Variants in FBXW7 observed in about 807,000 individuals in gnomAD.
FBXW7 encodes the protein F-box and WD repeat domain containing 7.
A neutral mutation model predicts 86.3 loss-of-function variants in FBXW7; 11 were observed. The ratio of observed to expected loss-of-function variants is 0.13; its 90% CI spans 0.08 to 0.21. The LOEUF (loss-of-function observed/expected upper bound fraction) is 0.21. FBXW7 is among the 10% of genes least tolerant of loss of function. FBXW7 has a pLI of 1.00. For missense variants in FBXW7, 488 were observed against 847.4 expected (o/e 0.58, Z 5.27); for synonymous variants, 313 against 297.9 (o/e 1.05, Z -0.52).
intron 6 of FBXW7, among the ~76,000 whole-genome samples, chr4:152,339,011 T>A (rs1346179018): frequency 2.6e-5 from 4 of 152,182 alleles, no homozygotes; most frequent in Non-Finnish European, 4.4e-5. Context: ...ATATTAAGGA[T>A]ATGAGGAGCT....
intron 2 of FBXW7, among the ~76,000 whole-genome samples, chr4:152,515,936 CG>C (rs1191826177): frequency 6.6e-6 from 1 of 152,072 alleles, no homozygotes; most frequent in Non-Finnish European, 1.5e-5. Context: ...AACATGGTGG[CG>C]GGGGTGGGCC....
At chr4:152,529,474 G>T (rs150646245) in intron 2 of FBXW7, among the ~76,000 whole-genome samples, 5 of 152,208 alleles carry the variant, frequency 3.3e-5, no homozygotes, top group African/African-American at 1.2e-4. Context: ...GATCATTATT[G>T]CAAGAGTAAT....
intron 2 of FBXW7, among the ~76,000 whole-genome samples, chr4:152,501,428 A>C (rs1172970225): frequency 4.6e-5 from 7 of 152,248 alleles, no homozygotes; most frequent in Admixed American, 4.6e-4. Context: ...ACTTCTGTAG[A>C]AATCAAAAAC....
At chr4:152,521,615 G>C (rs919701554) in intron 2 of FBXW7, among the ~76,000 whole-genome samples, 6 of 152,026 alleles carry the variant, frequency 3.9e-5, no homozygotes, top group Non-Finnish European at 5.9e-5. Context: ...CATCCTTAGG[G>C]TATTAAGGCT....
chr4:152,325,369 A>G (rs898256712), intron 12 of FBXW7: 6 of 152,274 alleles, frequency 3.9e-5, no homozygotes, highest in East Asian at 1.9e-4. Flanking sequence ...ATATTTTTAC[A>G]TTAAAAATGT....
chr4:152,447,194 A>C (rs1013220465), intron 2 of FBXW7, among the ~76,000 whole-genome samples: 1 of 152,208 alleles, frequency 6.6e-6, no homozygotes, highest in African/African-American at 2.4e-5. Flanking sequence ...ATGTGATGAC[A>C]ATTTTATGCC....
Position 152,411,575 on chromosome 4 carries a change from A to T in FBXW7, c.229T>A (p.Leu77Met), listed in dbSNP as rs749115943. ...ATAAATCTATTATTGTTTTCTTCCA[A>T]CTGTCCTTGCTGGGAATCATTTTGG... ...GGQNDSQQGQ[L>M]EENNNRFISV... is the part of the protein sequence containing the mutation. The change falls in exon 4 of 14, where the codon TTG becomes ATG. Residue 77 changes from leucine to methionine, a missense_variant. Physicochemically the swap from Leu to Met is conservative, Grantham distance 15 (BLOSUM62 2). Around this residue, in one of 4 missense-constraint regions of FBXW7, gnomAD observed 230 missense variants for 240.0 expected, o/e 0.96. Coordinates refer to ENST00000281708, the MANE Select transcript of FBXW7 (RefSeq NM_001349798.2). The T allele has an allele frequency of 3.1e-6, 5 of 1,613,742 alleles. No individual in the cohort carries two copies. The highest frequency in any genetic ancestry group is 4.2e-6 in the Non-Finnish European group (5 of 1,179,862).
At chr4:152,520,693 CA>C (rs1748935156) in intron 2 of FBXW7, among the ~76,000 whole-genome samples, 1 of 152,214 alleles carries the variant, frequency 6.6e-6, no homozygotes, top group East Asian at 1.9e-4. Flanking sequence ...CCAACAAACT[CA>C]ACACCAGAAC....
chr4:152,379,767 A>G (rs1271848213), intron 4 of FBXW7, among the ~76,000 whole-genome samples: 1 of 152,228 alleles, frequency 6.6e-6, no homozygotes, highest in Admixed American at 6.5e-5. Context: ...CAATGCTTAT[A>G]AATTATCTCA....
chr4:152,531,337 C>T (rs1031184755), intron 2 of FBXW7, among the ~76,000 whole-genome samples: 1 of 152,146 alleles, frequency 6.6e-6, no homozygotes, highest in Non-Finnish European at 1.5e-5. Context: ...GACCTATCTC[C>T]TTGTTGAAAC....
intron 2 of FBXW7, among the ~76,000 whole-genome samples, chr4:152,495,679 T>C (rs1746269986): frequency 6.6e-6 from 1 of 152,186 alleles, no homozygotes; most frequent in South Asian, 2.1e-4. Context: ...ACTTCAGTTC[T>C]GAGATACCCC....
chr4:152,377,927 T>C (rs1013939481), intron 4 of FBXW7, among the ~76,000 whole-genome samples: 4 of 152,094 alleles, frequency 2.6e-5, no homozygotes, highest in African/African-American at 9.7e-5. Flanking sequence ...AGCAAAAAGC[T>C]ATATGCAAAA....
At chr4:152,422,334 T>C (rs1004072938) in intron 2 of FBXW7, among the ~76,000 whole-genome samples, 3 of 152,152 alleles carry the variant, frequency 2.0e-5, no homozygotes, top group African/African-American at 7.2e-5. Context: ...ATCTGTTGAG[T>C]TTCCCAAATT....
At chr4:152,504,405 AAC>A (rs1455709639) in intron 2 of FBXW7, among the ~76,000 whole-genome samples, 2 of 152,178 alleles carry the variant, frequency 1.3e-5, no homozygotes, top group East Asian at 3.8e-4. Flanking sequence ...ATCATTGAAA[AAC>A]ACTTTATTTA....
chr4:152,381,595 T>C (rs2126777999), intron 4 of FBXW7, among the ~76,000 whole-genome samples: 2 of 152,252 alleles, frequency 1.3e-5, no homozygotes, highest in East Asian at 1.9e-4. Context: ...AAACATCCAA[T>C]AGATCATACA....
intron 2 of FBXW7, among the ~76,000 whole-genome samples, chr4:152,425,591 C>G (rs1299661547): frequency 6.9e-6 from 1 of 145,026 alleles, no homozygotes; most frequent in East Asian, 2.0e-4. Flanking sequence ...CCAGATAAAA[C>G]AAAAATTAAA....
chr4:152,515,142 C>A (rs1229337702), intron 2 of FBXW7, among the ~76,000 whole-genome samples: 1 of 152,080 alleles, frequency 6.6e-6, no homozygotes, highest in Non-Finnish European at 1.5e-5. Flanking sequence ...CACTTTACCC[C>A]CACACTGAAG....
intron 2 of FBXW7, among the ~76,000 whole-genome samples, chr4:152,515,018 C>G (rs1008062767): frequency 6.6e-6 from 1 of 152,270 alleles, no homozygotes; most frequent in Middle Eastern, 3.4e-3. Context: ...GGGAGCTACA[C>G]AAGCACGTAT....
At chr4:152,340,114 T>G (rs893219806) in intron 6 of FBXW7, among the ~76,000 whole-genome samples, 4 of 152,052 alleles carry the variant, frequency 2.6e-5, no homozygotes, top group African/African-American at 9.7e-5. Context: ...TGGAAAAAAA[T>G]TATGCCTGTA....
Sources: gnomAD v4.1 joint callset for allele counts (sites outside exome capture counted in the v4.1 genomes callset) on GRCh38, gnomAD v4.1.1 for gene constraint, gnomAD v4.1.1 regional missense constraint, MANE v1.5 for transcripts, NCBI Gene and HGNC (gene_info 2026-07-23, HGNC 2026-07-21) for gene names.